PRKAR1A: variants seen among roughly 807,000 people sequenced by gnomAD.
The protein encoded by PRKAR1A is protein kinase cAMP-dependent type I regulatory subunit alpha, also known as cAMP-dependent protein kinase type I-alpha regulatory subunit.
Under a neutral mutation model 52.0 loss-of-function variants are expected in PRKAR1A, and 3 were observed. The observed-to-expected ratio is 0.06, with a 90% CI of 0.03 to 0.15. The LOEUF (loss-of-function observed/expected upper bound fraction) is 0.15. Among genes scored for constraint, PRKAR1A ranks in the 10% least tolerant of loss-of-function variants. PRKAR1A has a pLI of 1.00. For missense variants in PRKAR1A, 240 were observed against 477.4 expected (o/e 0.50, Z 4.63); for synonymous variants, 188 against 168.4 (o/e 1.12, Z -0.90).
chr17:68,524,893 C>G lies in PRKAR1A; in HGVS notation c.503-19C>G. The G allele has an allele frequency of 6.3e-7, 1 of 1,591,252 alleles. No individual in the cohort carries two copies. Among genetic ancestry groups the G allele is most frequent in the Non-Finnish European group, 8.6e-7 (1 of 1,159,664 alleles). ...TCTTTAATTTGGAATATGCTTCTAACTTTTTTACCCTCTTTTAGGTGATGA... is the reference window on the plus strand; with the variant it reads ...TCTTTAATTTGGAATATGCTTCTAAGTTTTTTACCCTCTTTTAGGTGATGA... On this transcript the variant is annotated intron_variant, in intron 5 of 10. Transcript: ENST00000589228.
the PRKAR1A span, among the ~76,000 whole-genome samples, chr17:68,481,630 A>G: frequency 1.3e-5 from 2 of 152,228 alleles, no homozygotes; most frequent in African/African-American, 4.8e-5. Context: ...AAAACATTAT[A>G]TTAATTGATC....
chr17:68,429,647 G>A, the PRKAR1A span, among the ~76,000 whole-genome samples: 1 of 152,118 alleles, frequency 6.6e-6, no homozygotes, highest in Non-Finnish European at 1.5e-5. Context: ...GGAGTGCAGT[G>A]GCATGATCTC....
In PRKAR1A at chr17:68,539,426, G is replaced by T. The variant is rs907879049; in HGVS notation, c.973+9425G>T. ...GAGGAGAAACAGGCTTTTATGGGTG[G>T]CCGGCAGCATCCTTTGCATTCCCCT... On this transcript the variant is annotated intron_variant, in intron 11 of 11. Transcript: ENST00000585981. The T allele has an allele frequency of 3.1e-6, 5 of 1,603,268 alleles. No homozygotes were observed. The African/African-American group carries it at 6.7e-5, about 21-fold the overall frequency.
chr17:68,489,927 A>G, the PRKAR1A span, among the ~76,000 whole-genome samples: 20 of 152,114 alleles, frequency 1.3e-4, no homozygotes, highest in Non-Finnish European at 1.5e-5. Flanking sequence ...GAGAATGGTA[A>G]TTGGTCCCTT....
At chr17:68,432,613 G>A in the PRKAR1A span, among the ~76,000 whole-genome samples, 2 of 151,908 alleles carry the variant, frequency 1.3e-5, no homozygotes, top group African/African-American at 4.8e-5. Flanking sequence ...TAAGGTGCCC[G>A]GCCTCTGTTA....
chr17:68,484,191 A>C, the PRKAR1A span, among the ~76,000 whole-genome samples: 12 of 152,370 alleles, frequency 7.9e-5, no homozygotes, highest in East Asian at 2.3e-3. Flanking sequence ...ACATCTTGGC[A>C]ATACTGACTG....
intron 11 of PRKAR1A, among the ~76,000 whole-genome samples, chr17:68,546,477 A>G (rs1219461590): frequency 2.0e-5 from 3 of 152,040 alleles, no homozygotes; most frequent in Non-Finnish European, 4.4e-5. Context: ...GACCTTGCCC[A>G]GGTTCATCAG....
chr17:68,476,911 C>T, the PRKAR1A span, among the ~76,000 whole-genome samples: 2 of 152,040 alleles, frequency 1.3e-5, no homozygotes, highest in African/African-American at 2.4e-5. Context: ...CCGCTCACCT[C>T]GGCCTCCCAA....
At chr17:68,455,751 G>T in the PRKAR1A span, among the ~76,000 whole-genome samples, 4 of 152,194 alleles carry the variant, frequency 2.6e-5, no homozygotes, top group Non-Finnish European at 5.9e-5. Context: ...TCTGTAGAAA[G>T]CTGGGACTTT....
At chr17:68,470,842 A>G in the PRKAR1A span, among the ~76,000 whole-genome samples, 1 of 152,216 alleles carries the variant, frequency 6.6e-6, no homozygotes, top group Admixed American at 6.5e-5. Flanking sequence ...GGAGGCTCAG[A>G]AAACCAAAAT....
the PRKAR1A span, among the ~76,000 whole-genome samples, chr17:68,502,624 C>T: frequency 4.6e-5 from 7 of 151,898 alleles, no homozygotes; most frequent in Non-Finnish European, 8.8e-5. Context: ...TGGTGGTGGG[C>T]GTCTGTAATC....
chr17:68,550,583 G>C (rs2086792092), intron 11 of PRKAR1A, among the ~76,000 whole-genome samples: 1 of 152,058 alleles, frequency 6.6e-6, no homozygotes, highest in East Asian at 1.9e-4. Flanking sequence ...GTTTCACCAT[G>C]ATGGCCAGGC....
intron 11 of PRKAR1A, among the ~76,000 whole-genome samples, chr17:68,547,508 G>C (rs1388476593): frequency 6.6e-6 from 1 of 152,180 alleles, no homozygotes; most frequent in Non-Finnish European, 1.5e-5. Context: ...AGATCTTCTG[G>C]ATAACCTGCT....
At chr17:68,504,389 C>T in the PRKAR1A span, among the ~76,000 whole-genome samples, 1 of 152,118 alleles carries the variant, frequency 6.6e-6, no homozygotes, top group Non-Finnish European at 1.5e-5. Context: ...ATCACTTGAA[C>T]CCAGGAGGCG....
intron 11 of PRKAR1A, among the ~76,000 whole-genome samples, chr17:68,545,596 G>T (rs185724442): frequency 3.3e-4 from 51 of 152,332 alleles, no homozygotes; most frequent in African/African-American, 1.2e-3. Flanking sequence ...GAAGGTTGGT[G>T]AGGCTGTGGC....
the PRKAR1A span, among the ~76,000 whole-genome samples, chr17:68,502,860 C>T: frequency 6.6e-6 from 1 of 151,104 alleles, no homozygotes; most frequent in Non-Finnish European, 1.5e-5. Flanking sequence ...TCTATATTAG[C>T]AACAGATTCT....
the PRKAR1A span, chr17:68,436,467 A>G: frequency 6.2e-7 from 1 of 1,613,890 alleles, no homozygotes; most frequent in Non-Finnish European, 8.5e-7. Flanking sequence ...GTTGATAGAG[A>G]GAGCACATAG....
At chr17:68,536,025 G>T (rs1222274831), downstream of PRKAR1A, 8 of 454,012 alleles carry the variant, frequency 1.8e-5, no homozygotes, top group African/African-American at 1.6e-4. Context: ...TGCTTCTGTA[G>T]CGTTGGTGAG....
intron 11 of PRKAR1A, chr17:68,541,323 A>G (rs2086282299): frequency 3.4e-6 from 1 of 298,356 alleles, no homozygotes. Context: ...TAGCACCTCC[A>G]TGGGCTGTTC....
Sources: allele counts gnomAD v4.1 joint callset (sites outside exome capture counted in the v4.1 genomes callset), GRCh38; gene constraint gnomAD v4.1.1; transcripts MANE v1.5; gene names NCBI Gene and HGNC (gene_info 2026-07-23, HGNC 2026-07-21).